The following LHFPL3 variants were observed in gnomAD, a reference collection of about 807,000 sequenced individuals.
LHFPL3 encodes LHFPL tetraspan subfamily member 3 protein.
A neutral mutation model predicts 19.3 loss-of-function variants in LHFPL3; 5 were observed. The observed-to-expected ratio is 0.26, with a 90% confidence interval of 0.14 to 0.54. The LOEUF (loss-of-function observed/expected upper bound fraction) is 0.54. Among genes scored for constraint, LHFPL3 ranks in the 20% least tolerant of loss-of-function variants. The pLI is 0.94. For missense variants in LHFPL3, 249 were observed against 307.4 expected, an observed-to-expected ratio of 0.81 and a Z score of 1.42; for synonymous variants, 133 against 126.2, an observed-to-expected ratio of 1.05 and a Z score of -0.36.
intron 1 of LHFPL3, 128 bp downstream of exon 1, chr7:104,329,352 C>T (rs1801526556): frequency 7.9e-7 from 1 of 1,258,348 alleles, no homozygotes; most frequent in East Asian, 2.5e-5. Flanking sequence ...GCTCAGGCGT[C>T]GAGGTGTGGG....
intron 1 of LHFPL3, among the ~76,000 whole-genome samples, chr7:104,579,331 A>G (rs776934049): frequency 6.6e-6 from 1 of 152,118 alleles, no homozygotes; most frequent in Non-Finnish European, 1.5e-5. Flanking sequence ...CTCTTTTGGA[A>G]TCCCCAGTGT....
At chr7:104,743,341 A>G (rs370712262) in intron 2 of LHFPL3, among the ~76,000 whole-genome samples, 4 of 152,246 alleles carry the variant, frequency 2.6e-5, no homozygotes, top group East Asian at 3.9e-4. Flanking sequence ...GTCCATGTGA[A>G]CACCTTAATA....
intron 2 of LHFPL3, among the ~76,000 whole-genome samples, chr7:104,759,376 TAAA>T (rs58943910): frequency 1.6e-4 from 25 of 151,822 alleles, no homozygotes; most frequent in African/African-American, 2.4e-5. Flanking sequence ...AATTTTTTTT[TAAA>T]AAAAGGTGAA....
intron 1 of LHFPL3, among the ~76,000 whole-genome samples, chr7:104,498,904 A>T (rs1301552349): frequency 6.6e-6 from 1 of 152,250 alleles, no homozygotes; most frequent in Non-Finnish European, 1.5e-5. Flanking sequence ...AGTAAATTTT[A>T]AAATGGAAAG....
chr7:104,669,181 G>A (rs1792423031), intron 1 of LHFPL3: 14 of 1,613,620 alleles, frequency 8.7e-6, no homozygotes, highest in African/African-American at 1.3e-5. Flanking sequence ...TCCACCAAAG[G>A]AGAATGCTTG....
chr7:104,663,412 A>C (rs768568343), intron 1 of LHFPL3, among the ~76,000 whole-genome samples: 1 of 152,240 alleles, frequency 6.6e-6, no homozygotes, highest in Non-Finnish European at 1.5e-5. Context: ...GGAGGGATTC[A>C]GCTAAAGATC....
intron 1 of LHFPL3, among the ~76,000 whole-genome samples, chr7:104,365,592 T>C (rs1293657323): frequency 6.7e-6 from 1 of 149,640 alleles, no homozygotes; most frequent in Non-Finnish European, 1.5e-5. Context: ...CCATCCTGGC[T>C]AACAAGGTGA....
At chr7:104,517,063 G>A (rs767696365) in intron 1 of LHFPL3, among the ~76,000 whole-genome samples, 24 of 152,252 alleles carry the variant, frequency 1.6e-4, no homozygotes, top group Non-Finnish European at 2.8e-4. Flanking sequence ...AATGCCACAT[G>A]TTCTCACTTA....
intron 1 of LHFPL3, among the ~76,000 whole-genome samples, chr7:104,338,785 C>G (rs1000537550): frequency 3.9e-5 from 6 of 151,914 alleles, no homozygotes; most frequent in Non-Finnish European, 1.5e-5. Flanking sequence ...TTTGATTGAC[C>G]CTTTGTGCTG....
intron 1 of LHFPL3, among the ~76,000 whole-genome samples, chr7:104,462,622 C>T (rs368685246): frequency 2.6e-5 from 4 of 152,178 alleles, no homozygotes; most frequent in African/African-American, 9.6e-5. Context: ...TTTTGATGTG[C>T]TGCTGGATTC....
intron 1 of LHFPL3, among the ~76,000 whole-genome samples, chr7:104,536,199 TA>T (rs1285865574): frequency 6.6e-6 from 1 of 152,240 alleles, no homozygotes; most frequent in African/African-American, 2.4e-5. Context: ...GTACATGTCT[TA>T]AAGGTTTCTA....
rs1204841076 is a variant in LHFPL3, at chr7:104,477,778, C to T, written c.445+148554C>T. Among the ~76,000 whole-genome samples, 4 of 151,876 alleles carry T rather than the reference C, an allele frequency of 2.6e-5. No homozygotes were observed. The East Asian group carries it at 7.7e-4, about 29-fold the overall frequency. On this transcript the variant is annotated intron_variant, in intron 1 of 2. Transcript: ENST00000424859. ...TTAAAAAAAAAAAGAGAAAGGAATG[C>T]ATTCCTACATACAAAAGCATTAACC...
intron 1 of LHFPL3, among the ~76,000 whole-genome samples, chr7:104,623,832 C>A (rs1269038351): frequency 6.6e-6 from 1 of 152,196 alleles, no homozygotes; most frequent in Non-Finnish European, 1.5e-5. Flanking sequence ...CATTTTGGAC[C>A]TTCCAGATAT....
At chr7:104,824,020 C>G (rs758923864) in intron 2 of LHFPL3, among the ~76,000 whole-genome samples, 13 of 146,048 alleles carry the variant, frequency 8.9e-5, no homozygotes, top group Non-Finnish European at 1.6e-4. Flanking sequence ...GTGGTGCATG[C>G]CTATAATCCC....
chr7:104,608,221 C>G (rs1275396735), intron 1 of LHFPL3, among the ~76,000 whole-genome samples: 3 of 151,860 alleles, frequency 2.0e-5, no homozygotes, highest in Non-Finnish European at 2.9e-5. Flanking sequence ...GCACTATTCA[C>G]AATAGCAAAG....
intron 1 of LHFPL3, among the ~76,000 whole-genome samples, chr7:104,721,460 C>T (rs1342031179): frequency 1.3e-4 from 20 of 151,768 alleles, no homozygotes; most frequent in Admixed American, 1.3e-3. Flanking sequence ...GATGGGTGCA[C>T]CAAACCAACA....
intron 2 of LHFPL3, among the ~76,000 whole-genome samples, chr7:104,742,422 A>G (rs375554648): frequency 2.6e-4 from 39 of 152,246 alleles, no homozygotes; most frequent in African/African-American, 9.2e-4. Flanking sequence ...GCTCTTTTCA[A>G]TGCTATAGTG....
intron 2 of LHFPL3, among the ~76,000 whole-genome samples, chr7:104,787,793 C>G (rs763288293): frequency 3.3e-5 from 5 of 152,160 alleles, no homozygotes; most frequent in Non-Finnish European, 7.3e-5. Context: ...CCTGCCTTAG[C>G]CTCCCAGAGT....
chr7:104,409,338 G>C (rs1584300151), intron 1 of LHFPL3, among the ~76,000 whole-genome samples: 1 of 135,842 alleles, frequency 7.4e-6, no homozygotes, highest in East Asian at 2.1e-4. Flanking sequence ...GTGTGTGTGT[G>C]TGTCTGTGTG....
Sources: gnomAD v4.1 joint callset for allele counts (sites outside exome capture counted in the v4.1 genomes callset) on GRCh38, gnomAD v4.1.1 for gene constraint, MANE v1.5 for transcripts, NCBI Gene and HGNC (gene_info 2026-07-23, HGNC 2026-07-21) for gene names.